Variants in FAT3 observed in about 807,000 individuals in gnomAD.
FAT3 encodes protocadherin Fat 3.
In FAT3, 95 loss-of-function variants were observed where a neutral mutation model predicts 310.2. The observed-to-expected ratio is 0.31, with a 90% CI of 0.26 to 0.36. The LOEUF (loss-of-function observed/expected upper bound fraction) is 0.36. Among genes scored for constraint, FAT3 ranks in the 10% least tolerant of loss-of-function variants. The pLI is 1.00. For missense variants in FAT3, 5,408 were observed against 5,715.6 expected (o/e 0.95, Z 1.74); for synonymous variants, 2,314 against 2,192.9 (o/e 1.06, Z -1.54).
intron 1 of FAT3, among the ~76,000 whole-genome samples, chr11:92,273,229 C>A (rs1475519629): frequency 6.6e-6 from 1 of 152,086 alleles, no homozygotes; most frequent in Non-Finnish European, 1.5e-5. Context: ...GATGCCAAAT[C>A]TGTTTCTGGG....
At chr11:92,840,875 G>T (rs933940852) in intron 18 of FAT3, 116 bp downstream of exon 18, 2 of 974,990 alleles carry the variant, frequency 2.1e-6, no homozygotes, top group East Asian at 2.6e-5. Context: ...TTACCATGCG[G>T]GAATGTTCCC....
intron 22 of FAT3, among the ~76,000 whole-genome samples, chr11:92,876,178 C>T (rs990538639): frequency 6.6e-6 from 1 of 152,178 alleles, no homozygotes; most frequent in Non-Finnish European, 1.5e-5. Context: ...TTCCTGACTT[C>T]CCTCCCCATC....
chr11:92,791,731 G>T (rs1947045028), intron 8 of FAT3, among the ~76,000 whole-genome samples: 1 of 152,128 alleles, frequency 6.6e-6, no homozygotes, highest in Non-Finnish European at 1.5e-5. Context: ...TGCAGGTATG[G>T]AGTTTAAAAT....
At chr11:92,463,422 G>A (rs1951682641) in intron 2 of FAT3, among the ~76,000 whole-genome samples, 1 of 152,066 alleles carries the variant, frequency 6.6e-6, no homozygotes, top group Non-Finnish European at 1.5e-5. Context: ...TGTAACCCTG[G>A]GAAACATCCT....
At chr11:92,384,933 G>T (rs1298070177) in intron 2 of FAT3, among the ~76,000 whole-genome samples, 4 of 152,150 alleles carry the variant, frequency 2.6e-5, no homozygotes, top group African/African-American at 9.7e-5. Flanking sequence ...GGGAAGGCTG[G>T]GTTTCTGTAA....
In FAT3 at chr11:92,344,271, A is replaced by T. The variant is rs1291017829; in HGVS notation, c.-17-7825A>T. On this transcript the variant is annotated intron_variant, in intron 1 of 27. Transcript: ENST00000525166. ...AAACCATTCATAAGTTTTCAATTTC[A>T]TTCCATTTTGAGTTACCTGATGAAC... Among the ~76,000 whole-genome samples the T allele has an allele frequency of 2.6e-5, 4 of 152,304 alleles. No homozygotes were observed. In the East Asian group the frequency reaches 5.8e-4, roughly 22 times the overall value.
intron 2 of FAT3, among the ~76,000 whole-genome samples, chr11:92,450,818 A>G (rs1951335786): frequency 6.6e-6 from 1 of 152,152 alleles, no homozygotes; most frequent in Non-Finnish European, 1.5e-5. Flanking sequence ...AACTAGATGA[A>G]TTTGCATTGT....
chr11:92,259,848 G>T (rs944871376), intron 1 of FAT3, among the ~76,000 whole-genome samples: 7 of 152,150 alleles, frequency 4.6e-5, no homozygotes, highest in African/African-American at 1.4e-4. Flanking sequence ...TAAAGGAAGA[G>T]ATTTTCAACC....
intron 2 of FAT3, among the ~76,000 whole-genome samples, chr11:92,371,795 C>G: frequency 6.6e-6 from 1 of 152,132 alleles, no homozygotes; most frequent in Non-Finnish European, 1.5e-5. Flanking sequence ...AGCATAATAG[C>G]TAGGTGATGA....
At chr11:92,710,631 T>C (rs1032708377) in intron 4 of FAT3, among the ~76,000 whole-genome samples, 2 of 152,194 alleles carry the variant, frequency 1.3e-5, no homozygotes, top group Non-Finnish European at 2.9e-5. Flanking sequence ...GAAGGTGTTG[T>C]TCTGTCTCTA....
chr11:92,423,424 A>G (rs1020557478), intron 2 of FAT3, among the ~76,000 whole-genome samples: 4 of 152,304 alleles, frequency 2.6e-5, no homozygotes, highest in Non-Finnish European at 5.9e-5. Context: ...AAGGAAAAGG[A>G]TCTCATTACT....
chr11:92,640,356 C>G (rs1182707406), intron 3 of FAT3, among the ~76,000 whole-genome samples: 2 of 152,064 alleles, frequency 1.3e-5, no homozygotes, highest in Non-Finnish European at 2.9e-5. Context: ...GCTTTTAAAT[C>G]TAAAAACAGA....
chr11:92,473,568 A>G (rs1303644997), intron 2 of FAT3, among the ~76,000 whole-genome samples: 1 of 152,232 alleles, frequency 6.6e-6, no homozygotes, highest in Non-Finnish European at 1.5e-5. Context: ...AGGCGTCAAT[A>G]CAGACTGAAA....
chr11:92,855,532 T>A (rs1217740931), intron 19 of FAT3, among the ~76,000 whole-genome samples: 2 of 152,222 alleles, frequency 1.3e-5, no homozygotes, highest in Non-Finnish European at 2.9e-5. Context: ...CCCAAACAAT[T>A]ATTTGTTGAA....
Position 92,259,760 on chromosome 11 carries a change from A to G in FAT3, c.-18+34586A>G, listed in dbSNP as rs1298740263. ...ATTGAATTGAAATAAATTGGAAGGAAACCAGACCTGCCATTGAAAACCAAA... is the reference window on the plus strand; with the variant it reads ...ATTGAATTGAAATAAATTGGAAGGAGACCAGACCTGCCATTGAAAACCAAA... On this transcript the variant is annotated intron_variant, in intron 1 of 27. Coordinates refer to ENST00000525166, the MANE Select transcript of FAT3 (RefSeq NM_001367949.2). 3.3e-5 allele frequency among the ~76,000 whole-genome samples: 5 copies of G among 152,152 alleles called. No homozygotes were observed. The South Asian group carries it at 1.0e-3, about 32-fold the overall frequency.
intron 4 of FAT3, among the ~76,000 whole-genome samples, chr11:92,730,727 T>C (rs990709723): frequency 7.9e-5 from 12 of 152,256 alleles, no homozygotes; most frequent in African/African-American, 2.9e-4. Context: ...ATTTTTAACA[T>C]GTGTCAAAAT....
At position 92,788,123 on chromosome 11, in the gene FAT3, G is replaced by GA. The variant is rs1300770937; in HGVS notation, c.4336-1816dup. On this transcript the variant is annotated intron_variant, in intron 7 of 27. Coordinates refer to ENST00000525166, the MANE Select transcript of FAT3 (RefSeq NM_001367949.2). ...GCCATTCTGGAGAAATGGATAATGGGAAAATGCACAAGATAACACTGGAAA... is the reference window on the plus strand; with the variant it reads ...GCCATTCTGGAGAAATGGATAATGGGAAAAATGCACAAGATAACACTGGAAA... 2.6e-5 allele frequency among the ~76,000 whole-genome samples: 4 copies of GA among 152,082 alleles called. No individual in the cohort carries two copies. The East Asian group carries it at 7.7e-4, about 29-fold the overall frequency.
intron 3 of FAT3, among the ~76,000 whole-genome samples, chr11:92,532,248 T>C (rs1223585471): frequency 6.6e-6 from 1 of 152,156 alleles, no homozygotes; most frequent in Non-Finnish European, 1.5e-5. Flanking sequence ...GCTAAGTTTC[T>C]CCCAGTTTAT....
chr11:92,753,973 T>C (rs1011173058), intron 4 of FAT3, among the ~76,000 whole-genome samples: 1 of 151,738 alleles, frequency 6.6e-6, no homozygotes, highest in African/African-American at 2.4e-5. Context: ...GCATACAATG[T>C]ATTTGGAGGA....
Sources: gnomAD v4.1 joint callset for allele counts (sites outside exome capture counted in the v4.1 genomes callset) on GRCh38, gnomAD v4.1.1 for gene constraint, MANE v1.5 for transcripts, NCBI Gene and HGNC (gene_info 2026-07-23, HGNC 2026-07-21) for gene names.